The following NRG1 variants were observed in gnomAD, a reference collection of about 807,000 sequenced individuals.
NRG1 encodes neuregulin 1.
Under a neutral mutation model 63.8 loss-of-function variants are expected in NRG1, and 18 were observed. The observed-to-expected ratio is 0.28, with a 90% CI of 0.19 to 0.42. The LOEUF (loss-of-function observed/expected upper bound fraction) is 0.42, where lower values mean the gene tolerates loss of function less well. Among genes scored for constraint, NRG1 ranks in the 10% least tolerant of loss-of-function variants. The probability of loss-of-function intolerance (pLI) is 1.00; values close to 1 mark genes in which losing one functional copy is unlikely to be tolerated. For synonymous variants in NRG1, 302 were observed against 301.3 expected (o/e 1.00, Z -0.02); for missense variants, 762 against 814.7 (o/e 0.94, Z 0.79).
chr8:31,874,804 C>G (rs1829777619), intron 1 of NRG1, among the ~76,000 whole-genome samples: 1 of 145,316 alleles, frequency 6.9e-6, no homozygotes, highest in Non-Finnish European at 1.5e-5. Context: ...ATTTCCATGT[C>G]TTTTAAAGTG....
intron 1 of NRG1, among the ~76,000 whole-genome samples, chr8:32,428,114 A>G (rs1005512684): frequency 2.6e-5 from 4 of 152,176 alleles, no homozygotes; most frequent in African/African-American, 9.7e-5. Flanking sequence ...TCACCATGGC[A>G]AAGGCAATGA....
At chr8:32,279,952 T>C (rs367804317) in intron 1 of NRG1, among the ~76,000 whole-genome samples, 1 of 152,326 alleles carries the variant, frequency 6.6e-6, no homozygotes, top group African/African-American at 2.4e-5. Flanking sequence ...AGCCAGCTTA[T>C]TGAAAACAAA....
chr8:31,792,119 G>A (rs992049474), intron 1 of NRG1, among the ~76,000 whole-genome samples: 6 of 152,048 alleles, frequency 3.9e-5, no homozygotes, highest in Admixed American at 3.3e-4. Flanking sequence ...ATTTATTTGG[G>A]TCTTAGTGCT....
intron 1 of NRG1, among the ~76,000 whole-genome samples, chr8:31,995,771 A>T: frequency 6.6e-6 from 1 of 152,002 alleles, no homozygotes; most frequent in East Asian, 1.9e-4. Flanking sequence ...AAACAGATTC[A>T]GGAAGAGTCC....
At chr8:32,647,725 T>G (rs754309097) in intron 5 of NRG1, 1 of 1,564,388 alleles carries the variant, frequency 6.4e-7, no homozygotes, top group South Asian at 1.2e-5. Context: ...CCGATGGAGA[T>G]TTATTCCCCA....
chr8:32,577,741 A>G (rs549445278), intron 1 of NRG1, among the ~76,000 whole-genome samples: 2 of 151,650 alleles, frequency 1.3e-5, no homozygotes, highest in African/African-American at 4.8e-5. Context: ...TCTTGAGGAC[A>G]TTTTCTTCTA....
chr8:32,768,148 A>T (rs186165526), downstream of NRG1, among the ~76,000 whole-genome samples: 87 of 152,184 alleles, frequency 5.7e-4, 1 homozygote, highest in East Asian at 1.5e-3. Context: ...CTCCCTACCA[A>T]TGCTGTTTAT....
intron 3 of NRG1, among the ~76,000 whole-genome samples, chr8:32,607,997 A>T (rs1432282242): frequency 6.6e-6 from 1 of 151,944 alleles, no homozygotes; most frequent in Non-Finnish European, 1.5e-5. Context: ...CCTTCATTGT[A>T]TTAAAAAAGA....
chr8:32,035,617 G>T (rs980756223), intron 1 of NRG1, among the ~76,000 whole-genome samples: 1 of 152,162 alleles, frequency 6.6e-6, no homozygotes, highest in African/African-American at 2.4e-5. Context: ...GAATCAGGGT[G>T]CTCCTGTATT....
intron 1 of NRG1, among the ~76,000 whole-genome samples, chr8:31,757,107 A>G (rs913737252): frequency 2.0e-5 from 3 of 152,130 alleles, no homozygotes; most frequent in African/African-American, 4.8e-5. Context: ...CATCTCTGGG[A>G]TATGCTTTGA....
chr8:31,644,204 T>C (rs1421843341), intron 1 of NRG1, among the ~76,000 whole-genome samples: 1 of 152,220 alleles, frequency 6.6e-6, no homozygotes, highest in African/African-American at 2.4e-5. Flanking sequence ...ACTGCTTGTA[T>C]GTTGTAAATA....
chr8:31,976,636 G>A (rs1321512892), intron 1 of NRG1, among the ~76,000 whole-genome samples: 1 of 151,876 alleles, frequency 6.6e-6, no homozygotes. Context: ...GAGATTGCTA[G>A]GGTCAATGGG....
chr8:32,147,850 C>T (rs1383513546), intron 1 of NRG1, among the ~76,000 whole-genome samples: 1 of 152,138 alleles, frequency 6.6e-6, no homozygotes. Flanking sequence ...TGGTAGAATT[C>T]AGCATTATCT....
In NRG1 at chr8:32,644,084, AAT is replaced by A. The variant is rs201484226; in HGVS notation, c.502+27200_502+27201del. On this transcript the variant is annotated intron_variant, in intron 5 of 11. Transcript: ENST00000356819. ...GCCTGGGCCAATGAAATAAAAAAAA[AAT>A]TTAAGATAAATATGGACTGTATGGG... Among the ~76,000 whole-genome samples the A allele has an allele frequency of 7.2e-3, 1,090 of 152,302 alleles. 8 individuals are homozygous for A. Among genetic ancestry groups the A allele is most frequent in the Non-Finnish European group, 0.011 (755 of 68,026 alleles).
intron 2 of NRG1, among the ~76,000 whole-genome samples, chr8:32,602,879 T>TA (rs893207068): frequency 6.6e-6 from 1 of 152,170 alleles, no homozygotes; most frequent in African/African-American, 2.4e-5. Context: ...ATAATCCATT[T>TA]AAAAAATCAT....
intron 1 of NRG1, among the ~76,000 whole-genome samples, chr8:32,130,491 G>T (rs1413655035): frequency 1.3e-5 from 2 of 151,754 alleles, no homozygotes; most frequent in Non-Finnish European, 2.9e-5. Context: ...GTAATACTGA[G>T]GTCAGGATTT....
chr8:32,632,215 C>A (rs1206473772), intron 5 of NRG1, among the ~76,000 whole-genome samples: 1 of 152,008 alleles, frequency 6.6e-6, no homozygotes, highest in East Asian at 1.9e-4. Context: ...TAAGTGAGTT[C>A]CATCGAAGTA....
intron 1 of NRG1, among the ~76,000 whole-genome samples, chr8:32,206,893 CTTTCTG>C (rs1276640773): frequency 6.6e-6 from 1 of 152,172 alleles, no homozygotes; most frequent in Non-Finnish European, 1.5e-5. Context: ...CAGTATTTGA[CTTTCTG>C]TTTCTGAGTT....
At chr8:32,242,480 AAAAAAG>A (rs1014842860) in intron 1 of NRG1, among the ~76,000 whole-genome samples, 2 of 152,228 alleles carry the variant, frequency 1.3e-5, no homozygotes, top group African/African-American at 4.8e-5. Context: ...TCTCAAAAAG[AAAAAAG>A]AAAAAGAAAA....
Sources: allele counts gnomAD v4.1 joint callset (sites outside exome capture counted in the v4.1 genomes callset), GRCh38; gene constraint gnomAD v4.1.1; transcripts MANE v1.5; gene names NCBI Gene and HGNC (gene_info 2026-07-23, HGNC 2026-07-21).